KLHL7: variants seen among roughly 807,000 people sequenced by gnomAD.
The protein encoded by KLHL7 is kelch-like protein 7.
In KLHL7, 44 loss-of-function variants were observed where a neutral mutation model predicts 67.4. The observed-to-expected ratio is 0.65, with a 90% confidence interval of 0.51 to 0.84. The LOEUF is 0.84. Among genes scored for constraint, KLHL7 ranks in the 40% least tolerant of loss-of-function variants. KLHL7 has a pLI of 0.00. For missense variants in KLHL7, 362 were observed against 718.1 expected (o/e 0.50, Z 5.67); for synonymous variants, 252 against 243.3 (o/e 1.04, Z -0.33).
In KLHL7 at chr7:23,176,511, A is replaced by C. The variant is rs2128470978; in HGVS notation, c.*2213A>C. The C allele has an allele frequency of 6.6e-6, 1 of 152,222 alleles. No homozygotes were observed. The highest frequency in any genetic ancestry group is 2.1e-4 in the South Asian group (1 of 4,818). 9.4% of individuals were successfully genotyped at this position (152,222 alleles called of 1,614,324 possible). A position where few individuals can be genotyped will look rare whatever the true frequency, so the allele number is the denominator to read the frequency against. On this transcript the variant is annotated 3_prime_UTR_variant, in exon 11 of 11. Coordinates refer to ENST00000339077, the MANE Select transcript of KLHL7 (RefSeq NM_001031710.3). ...GCTAGGAGTTCAAGACCCTGTCTCT[A>C]CAAAAAAATAAAAAGTTAGCAGGTG...
At chr7:23,157,262 C>G (rs1181841231) in intron 7 of KLHL7, among the ~76,000 whole-genome samples, 6 of 152,210 alleles carry the variant, frequency 3.9e-5, no homozygotes, top group Non-Finnish European at 7.3e-5. Flanking sequence ...GTGAACACTG[C>G]TACAATGATC....
chr7:23,142,877 AT>A (rs1784234697), intron 5 of KLHL7, among the ~76,000 whole-genome samples: 1 of 152,188 alleles, frequency 6.6e-6, no homozygotes, highest in Non-Finnish European at 1.5e-5. Context: ...ATAACACTAG[AT>A]AAAAACTAAA....
chr7:23,111,750 A>G (rs1316311865), intron 1 of KLHL7, among the ~76,000 whole-genome samples: 2 of 136,474 alleles, frequency 1.5e-5, no homozygotes, highest in African/African-American at 5.6e-5. Flanking sequence ...TGAACCCGGG[A>G]GGCAGAGGTT....
At chr7:23,113,215 C>T (rs1245675440) in intron 1 of KLHL7, among the ~76,000 whole-genome samples, 3 of 151,788 alleles carry the variant, frequency 2.0e-5, no homozygotes, top group South Asian at 2.1e-4. Flanking sequence ...GTAGTCTTTG[C>T]GAAGAATAGA....
At chr7:23,157,616 A>G (rs1216657748) in intron 7 of KLHL7, among the ~76,000 whole-genome samples, 1 of 104,002 alleles carries the variant, frequency 9.6e-6, no homozygotes, top group East Asian at 3.0e-4. Flanking sequence ...GAGAGTCTCA[A>G]TTTCTTTTCA....
chr7:23,106,917 CTTTA>C (rs1782668391), intron 1 of KLHL7: 12 of 674,334 alleles, frequency 1.8e-5, no homozygotes, highest in Non-Finnish European at 2.2e-5. Context: ...TTTCTGTAAG[CTTTA>C]TTTATAGATA....
At chr7:23,122,157 A>C (rs1783379766) in intron 1 of KLHL7, among the ~76,000 whole-genome samples, 1 of 151,836 alleles carries the variant, frequency 6.6e-6, no homozygotes, top group African/African-American at 2.4e-5. Context: ...CATTTCTTCA[A>C]CCTCCTTCAG....
chr7:23,128,022 C>T (rs1184318570), intron 4 of KLHL7, among the ~76,000 whole-genome samples: 1 of 151,638 alleles, frequency 6.6e-6, no homozygotes, highest in African/African-American at 2.4e-5. Flanking sequence ...CCAAGCTACT[C>T]CAGAGGCTGA....
In KLHL7 at chr7:23,107,750, A is replaced by G. The variant is rs537260825; in HGVS notation, c.120+1604A>G. Among the ~76,000 whole-genome samples, 15 of 152,332 alleles carry G rather than the reference A, an allele frequency of 9.8e-5. No homozygotes were observed. In the East Asian group the frequency reaches 2.3e-3, roughly 23 times the overall value. On this transcript the variant is annotated intron_variant, in intron 1 of 10. Transcript: ENST00000339077. Reference sequence around the variant, plus strand: ...TGAACAACCAGGGGTCCCCTCCACAATGATTAACTGACCTTAATCTGCCAG... The same window carrying G: ...TGAACAACCAGGGGTCCCCTCCACAGTGATTAACTGACCTTAATCTGCCAG...
In KLHL7 at chr7:23,159,120, A is replaced by G. The variant is rs529147875; in HGVS notation, c.937-6578A>G. Among the ~76,000 whole-genome samples the G allele has an allele frequency of 4.6e-5, 7 of 152,334 alleles. No homozygotes were observed. In the South Asian group the frequency reaches 1.4e-3, roughly 32 times the overall value. Reference sequence around the variant, plus strand: ...TTTTAAAAAAAAGGAAATTAGACATAGGTGGAAGAGCTGAAGGACTAGATC... The same window carrying G: ...TTTTAAAAAAAAGGAAATTAGACATGGGTGGAAGAGCTGAAGGACTAGATC... On this transcript the variant is annotated intron_variant, in intron 7 of 10. Coordinates refer to ENST00000339077, the MANE Select transcript of KLHL7 (RefSeq NM_001031710.3).
rs2128466869 is a variant in KLHL7, at chr7:23,151,945, C to G, written c.794-122C>G. Reference sequence around the variant, plus strand: ...TCTTCCCCCTCACTTTCCTCAAATGCTATAGAGATATCATAAAAGTAAGTT... The same window carrying G: ...TCTTCCCCCTCACTTTCCTCAAATGGTATAGAGATATCATAAAAGTAAGTT... On this transcript the variant is annotated intron_variant, in intron 6 of 10. Transcript: ENST00000339077. 3.4e-6 allele frequency: 3 copies of G among 894,422 alleles called. No homozygotes were observed. In the Admixed American group the frequency reaches 5.8e-5, roughly 17 times the overall value. 55.4% of individuals were successfully genotyped at this position (894,422 alleles called of 1,614,324 possible).
chr7:23,108,044 A>T (rs1315917894), intron 1 of KLHL7, among the ~76,000 whole-genome samples: 2 of 152,208 alleles, frequency 1.3e-5, no homozygotes, highest in African/African-American at 4.8e-5. Context: ...GACCAACTTT[A>T]TAAGTGCTCT....
At chr7:23,131,671 G>A (rs985572765) in intron 4 of KLHL7, among the ~76,000 whole-genome samples, 1 of 150,412 alleles carries the variant, frequency 6.6e-6, no homozygotes, top group Non-Finnish European at 1.5e-5. Flanking sequence ...ATTTTAAAGT[G>A]TACAATTAAG....
At chr7:23,160,870 C>G (rs886689400) in intron 7 of KLHL7, among the ~76,000 whole-genome samples, 7 of 152,116 alleles carry the variant, frequency 4.6e-5, no homozygotes, top group African/African-American at 1.7e-4. Context: ...TCTGGAAAAC[C>G]AGAGTGCCCT....
intron 7 of KLHL7, among the ~76,000 whole-genome samples, chr7:23,154,061 C>T (rs1784622589): frequency 6.6e-6 from 1 of 152,110 alleles, no homozygotes; most frequent in Admixed American, 6.6e-5. Flanking sequence ...TCCAATAAGA[C>T]TTTATTTACA....
intron 5 of KLHL7, among the ~76,000 whole-genome samples, chr7:23,143,069 A>G (rs1784243185): frequency 6.6e-6 from 1 of 152,230 alleles, no homozygotes; most frequent in Non-Finnish European, 1.5e-5. Flanking sequence ...GTTTAAAAAA[A>G]GACCAATTCC....
At chr7:23,120,676 C>A (rs1479157047) in intron 1 of KLHL7, among the ~76,000 whole-genome samples, 1 of 152,150 alleles carries the variant, frequency 6.6e-6, no homozygotes, top group East Asian at 1.9e-4. Context: ...AAGTGATCCT[C>A]CCATTTCAAC....
At chr7:23,149,703 A>G (rs1050074614) in intron 6 of KLHL7, among the ~76,000 whole-genome samples, 1 of 152,204 alleles carries the variant, frequency 6.6e-6, no homozygotes, top group Non-Finnish European at 1.5e-5. Flanking sequence ...AAGGATTATA[A>G]AATAAACAAA....
intron 5 of KLHL7, 129 bp downstream of exon 5, chr7:23,141,073 A>G (rs1784165971): frequency 3.5e-6 from 3 of 858,680 alleles, no homozygotes; most frequent in Middle Eastern, 2.3e-4. Context: ...CACTAAACAG[A>G]GTATTGTAAT....
Sources: gnomAD v4.1 joint callset for allele counts (sites outside exome capture counted in the v4.1 genomes callset) on GRCh38, gnomAD v4.1.1 for gene constraint, MANE v1.5 for transcripts, NCBI Gene and HGNC (gene_info 2026-07-23, HGNC 2026-07-21) for gene names.